CSGALNACT1: variants seen among roughly 807,000 people sequenced by gnomAD.
CSGALNACT1 encodes beta4GalNAcT-1.
A neutral mutation model predicts 51.0 loss-of-function variants in CSGALNACT1; 52 were observed. The observed-to-expected ratio is 1.02, with a 90% CI of 0.82 to 1.29. The LOEUF (loss-of-function observed/expected upper bound fraction) is 1.29, where lower values mean the gene tolerates loss of function less well. CSGALNACT1 is among the 50% of genes most tolerant of loss of function. The pLI is 0.00. For missense variants in CSGALNACT1, 935 were observed against 679.2 expected, an observed-to-expected ratio of 1.38 and a Z score of -4.19; for synonymous variants, 341 against 254.4, an observed-to-expected ratio of 1.34 and a Z score of -3.24.
At chr8:19,462,369 T>G (rs1586573056) in intron 4 of CSGALNACT1, among the ~76,000 whole-genome samples, 3 of 152,230 alleles carry the variant, frequency 2.0e-5, no homozygotes, top group Middle Eastern at 6.8e-3. Context: ...ATGAAGTCAT[T>G]TACTCAGAGG....
intron 1 of CSGALNACT1, among the ~76,000 whole-genome samples, chr8:19,669,831 C>G (rs887774072): frequency 7.2e-5 from 11 of 152,250 alleles, no homozygotes; most frequent in African/African-American, 2.6e-4. Context: ...AATTTGCATG[C>G]TGAAAACAGC....
intron 6 of CSGALNACT1, among the ~76,000 whole-genome samples, chr8:19,438,197 C>CG (rs913808381): frequency 1.4e-5 from 2 of 146,370 alleles, no homozygotes; most frequent in African/African-American, 5.0e-5. Flanking sequence ...GGGCGGGGGT[C>CG]GGGGGGCAGC....
chr8:19,634,226 G>A (rs1360634793), intron 1 of CSGALNACT1, among the ~76,000 whole-genome samples: 1 of 152,166 alleles, frequency 6.6e-6, no homozygotes, highest in Non-Finnish European at 1.5e-5. Context: ...GCTATGGACT[G>A]GATTATTTCC....
intron 3 of CSGALNACT1, among the ~76,000 whole-genome samples, chr8:19,529,402 C>G (rs2082311741): frequency 6.6e-6 from 1 of 152,164 alleles, no homozygotes; most frequent in African/African-American, 2.4e-5. Context: ...TCAGCTCTTC[C>G]TCCTGGCTCC....
intron 3 of CSGALNACT1, among the ~76,000 whole-genome samples, chr8:19,535,514 C>T (rs1587982615): frequency 6.6e-6 from 1 of 152,240 alleles, no homozygotes; most frequent in East Asian, 1.9e-4. Context: ...AACTAGTTCT[C>T]AAAATCACTA....
intron 1 of CSGALNACT1, among the ~76,000 whole-genome samples, chr8:19,615,660 T>TCC (rs1390786578): frequency 1.3e-5 from 2 of 152,146 alleles, no homozygotes; most frequent in Admixed American, 6.5e-5. Flanking sequence ...AGGTTAAACA[T>TCC]CCCTAACAAA....
intron 8 of CSGALNACT1, among the ~76,000 whole-genome samples, chr8:19,417,583 C>A (rs918195344): frequency 1.3e-5 from 2 of 152,200 alleles, no homozygotes; most frequent in South Asian, 2.1e-4. Flanking sequence ...CTGGTGCTAT[C>A]GTGTCTTCAG....
rs562486379 is a variant in CSGALNACT1, at chr8:19,443,212, T to G, written c.852-3281A>C. Among the ~76,000 whole-genome samples, 307 of 152,346 alleles carry G rather than the reference T, an allele frequency of 2.0e-3. 1 individual carries two copies. Among genetic ancestry groups the G allele is most frequent in the African/African-American group, 7.1e-3 (297 of 41,576 alleles). On this transcript the variant is annotated intron_variant, in intron 5 of 9. Coordinates refer to ENST00000454498, the Ensembl canonical transcript of CSGALNACT1. ...CTGGGAAGGTCCTCTGCTGACGGTT[T>G]AGTTCATTTATGTATATGTGTATGT...
rs529575590 is a variant in CSGALNACT1, at chr8:19,444,141, T to A, written c.852-4210A>T. ...CAGGCCACAGACCAGTAATGGTGTG[T>A]GGACCAGGAGTTGGGGCCCCCTGTC... On this transcript the variant is annotated intron_variant, in intron 5 of 9. Coordinates refer to ENST00000454498, the Ensembl canonical transcript of CSGALNACT1. Among the ~76,000 whole-genome samples the A allele has an allele frequency of 5.8e-4, 88 of 152,350 alleles. No homozygotes were observed. In the South Asian group the frequency reaches 0.016, roughly 28 times the overall value.
rs186280234 is a variant in CSGALNACT1, at chr8:19,708,192, T to G, written c.-297+49658A>C. On this transcript the variant is annotated intron_variant, in intron 1 of 1. Transcript: ENST00000517494. ...ACTGGTCACATTGCCCTGTTTTATTTTGACATTCTAATGGTGAAATTATGC... is the reference window on the plus strand; with the variant it reads ...ACTGGTCACATTGCCCTGTTTTATTGTGACATTCTAATGGTGAAATTATGC... Among the ~76,000 whole-genome samples, 3 of 152,168 alleles carry G rather than the reference T, an allele frequency of 2.0e-5. No individual in the cohort carries two copies. In the East Asian group the frequency reaches 5.8e-4, roughly 29 times the overall value.
intron 1 of CSGALNACT1, among the ~76,000 whole-genome samples, chr8:19,651,768 G>A (rs1366150715): frequency 6.6e-6 from 1 of 152,002 alleles, no homozygotes; most frequent in African/African-American, 2.4e-5. Context: ...TTATTTCTTT[G>A]GGTATATACT....
At chr8:19,670,092 C>T (rs1013826686) in intron 1 of CSGALNACT1, among the ~76,000 whole-genome samples, 1 of 152,242 alleles carries the variant, frequency 6.6e-6, no homozygotes, top group African/African-American at 2.4e-5. Flanking sequence ...CTACTCCCTG[C>T]ACATTTGCCT....
intron 4 of CSGALNACT1, among the ~76,000 whole-genome samples, chr8:19,479,284 T>C (rs573087247): frequency 6.6e-6 from 1 of 152,286 alleles, no homozygotes; most frequent in Admixed American, 6.5e-5. Flanking sequence ...GCCACAGCTA[T>C]AAAGAAACAC....
At chr8:19,695,783 A>T (rs2061551603) in intron 1 of CSGALNACT1, among the ~76,000 whole-genome samples, 1 of 152,202 alleles carries the variant, frequency 6.6e-6, no homozygotes, top group East Asian at 1.9e-4. Context: ...TTGTGGAGTC[A>T]AAAAGGAGTC....
At chr8:19,637,714 C>G (rs2056254732) in intron 1 of CSGALNACT1, among the ~76,000 whole-genome samples, 1 of 152,246 alleles carries the variant, frequency 6.6e-6, no homozygotes, top group South Asian at 2.1e-4. Flanking sequence ...GGCAAATAAC[C>G]AGGAATCAGT....
chr8:19,490,679 G>A (rs2074180403), intron 4 of CSGALNACT1, among the ~76,000 whole-genome samples: 1 of 152,210 alleles, frequency 6.6e-6, no homozygotes, highest in South Asian at 2.1e-4. Flanking sequence ...TGCAGGAGAA[G>A]TGGAGCCCAG....
chr8:19,511,754 A>T (rs1468704088), intron 3 of CSGALNACT1, among the ~76,000 whole-genome samples: 1 of 152,166 alleles, frequency 6.6e-6, no homozygotes, highest in African/African-American at 2.4e-5. Context: ...GAGACTGGGT[A>T]ATTTATAAAG....
chr8:19,473,524 T>C (rs998614232), intron 4 of CSGALNACT1, among the ~76,000 whole-genome samples: 8 of 152,182 alleles, frequency 5.3e-5, no homozygotes, highest in African/African-American at 1.9e-4. Context: ...GGTACAGACT[T>C]GCAGCCTAAC....
At chr8:19,543,117 C>A (rs566730312) in intron 3 of CSGALNACT1, among the ~76,000 whole-genome samples, 2 of 152,102 alleles carry the variant, frequency 1.3e-5, no homozygotes, top group African/African-American at 4.8e-5. Context: ...ACTAGGCTCA[C>A]GGAGTTTTCA....
Sources: gnomAD v4.1 joint callset for allele counts (sites outside exome capture counted in the v4.1 genomes callset) on GRCh38, gnomAD v4.1.1 for gene constraint, MANE v1.5 for transcripts, NCBI Gene and HGNC (gene_info 2026-07-23, HGNC 2026-07-21) for gene names.